The following TNIK variants were observed in gnomAD, a reference collection of about 807,000 sequenced individuals.
TNIK encodes TRAF2 and NCK-interacting protein kinase.
A neutral mutation model predicts 191.3 loss-of-function variants in TNIK; 49 were observed. The ratio of observed to expected loss-of-function variants is 0.26; its 90% confidence interval spans 0.20 to 0.32. The LOEUF (loss-of-function observed/expected upper bound fraction) is 0.32. TNIK is among the 10% of genes least tolerant of loss of function. TNIK has a pLI of 1.00. For synonymous variants in TNIK, 594 were observed against 600.9 expected (o/e 0.99, Z 0.17); for missense variants, 1,155 against 1,702.3 (o/e 0.68, Z 5.66).
At chr3:171,353,229 G>A (rs763181577) in intron 2 of TNIK, among the ~76,000 whole-genome samples, 6 of 152,162 alleles carry the variant, frequency 3.9e-5, no homozygotes, top group Non-Finnish European at 5.9e-5. Flanking sequence ...GCACTGAGCA[G>A]TCGACCCCAC....
chr3:171,320,282 T>C (rs1755034345), intron 2 of TNIK, among the ~76,000 whole-genome samples: 1 of 152,194 alleles, frequency 6.6e-6, no homozygotes, highest in Non-Finnish European at 1.5e-5. Flanking sequence ...GATATTCTAA[T>C]GTGTCTTGCC....
chr3:171,310,444 T>G (rs1401175386), intron 2 of TNIK, among the ~76,000 whole-genome samples: 4 of 152,144 alleles, frequency 2.6e-5, no homozygotes, highest in African/African-American at 7.2e-5. Context: ...AAAAGATGTT[T>G]GATAACCAAA....
At chr3:171,122,214 A>T (rs2108555400) in intron 18 of TNIK, among the ~76,000 whole-genome samples, 1 of 152,378 alleles carries the variant, frequency 6.6e-6, no homozygotes, top group Middle Eastern at 3.4e-3. Context: ...TACTTGATCT[A>T]AAGAAACTAA....
At chr3:171,450,941 C>T (rs534560317) in intron 1 of TNIK, among the ~76,000 whole-genome samples, 79 of 152,258 alleles carry the variant, frequency 5.2e-4, no homozygotes, top group African/African-American at 1.8e-3. Context: ...CAGATAGTCA[C>T]GACTGCCTTA....
chr3:171,450,677 A>G (rs1001096320), intron 1 of TNIK, among the ~76,000 whole-genome samples: 30 of 152,332 alleles, frequency 2.0e-4, no homozygotes, highest in Non-Finnish European at 3.2e-4. Flanking sequence ...TTATGGCTTT[A>G]TCCTATTTAT....
intron 18 of TNIK, among the ~76,000 whole-genome samples, chr3:171,113,792 C>T (rs544997520): frequency 3.9e-5 from 6 of 151,952 alleles, no homozygotes; most frequent in East Asian, 1.9e-4. Flanking sequence ...TGATAATGAA[C>T]GGGACACAGC....
chr3:171,183,023 C>A (rs369309479), intron 7 of TNIK, among the ~76,000 whole-genome samples: 1 of 152,274 alleles, frequency 6.6e-6, no homozygotes, highest in Non-Finnish European at 1.5e-5. Flanking sequence ...GGGTATTCAA[C>A]GAATGTGGGT....
intron 7 of TNIK, among the ~76,000 whole-genome samples, chr3:171,185,221 G>GTGTGTGTGTGTGTGTGTGTGTGTGT (rs1160317661): frequency 6.6e-6 from 1 of 150,376 alleles, no homozygotes; most frequent in Admixed American, 6.7e-5. Flanking sequence ...GTGTGTCTAT[G>GTGTGTGTGTGTGTGTGTGTGTGTGT]GGGTGGGAGG....
chr3:171,228,917 G>C (rs1056012979), intron 2 of TNIK, among the ~76,000 whole-genome samples: 1 of 152,196 alleles, frequency 6.6e-6, no homozygotes, highest in Non-Finnish European at 1.5e-5. Flanking sequence ...AAAACACAAT[G>C]TCTACATGTG....
At chr3:171,244,221 C>T (rs1233018873) in intron 2 of TNIK, among the ~76,000 whole-genome samples, 14 of 152,072 alleles carry the variant, frequency 9.2e-5, no homozygotes, top group Middle Eastern at 3.4e-3. Context: ...CCCGCCACCA[C>T]GCCCGGCTAA....
intron 8 of TNIK, 35 bp downstream of exon 8, chr3:171,177,291 C>G (rs371184351): frequency 3.8e-6 from 6 of 1,592,970 alleles, no homozygotes; most frequent in Non-Finnish European, 4.3e-6. Flanking sequence ...CAGAGCAGAC[C>G]AGCAACAGAT....
At chr3:171,360,101 C>T (rs755025222) in intron 2 of TNIK, among the ~76,000 whole-genome samples, 2 of 152,156 alleles carry the variant, frequency 1.3e-5, no homozygotes, top group South Asian at 2.1e-4. Context: ...ATTGAGCACA[C>T]GAGTGCCAAT....
In TNIK at chr3:171,062,419, C is replaced by T. The variant is rs1165153608; in HGVS notation, c.*1462G>A. 2 of 151,910 alleles carry T rather than the reference C, an allele frequency of 1.3e-5. No homozygotes were observed. Among genetic ancestry groups the T allele is most frequent in the Non-Finnish European group, 2.9e-5 (2 of 68,016 alleles). The allele number at this position is 151,910 out of a possible 1,614,324, so 9.4% of individuals were successfully genotyped here. ...AAACGAGGTAGGTTAAAACAGGAAG[C>T]GCAACACAGATATTGTTTGCAACAC... On this transcript the variant is annotated 3_prime_UTR_variant, in exon 33 of 33. Coordinates refer to ENST00000436636, the MANE Select transcript of TNIK (RefSeq NM_015028.4).
At chr3:171,439,025 T>C (rs927482006) in intron 1 of TNIK, among the ~76,000 whole-genome samples, 5 of 152,156 alleles carry the variant, frequency 3.3e-5, no homozygotes, top group Non-Finnish European at 7.4e-5. Context: ...GAAGCAGCAA[T>C]AGCACAATGC....
intron 5 of TNIK, among the ~76,000 whole-genome samples, chr3:171,193,801 A>G (rs10936673): frequency 0.23 from 35,579 of 152,150 alleles, 4,697 homozygotes; most frequent in East Asian, 0.49. Flanking sequence ...GACATATAAT[A>G]ACCTCCATAT....
intron 2 of TNIK, among the ~76,000 whole-genome samples, chr3:171,360,086 T>C (rs932323373): frequency 6.6e-6 from 1 of 152,200 alleles, no homozygotes; most frequent in Non-Finnish European, 1.5e-5. Context: ...ATACTTCAAA[T>C]CAAAATTGAG....
At chr3:171,154,591 G>T (rs1377141395) in intron 12 of TNIK, among the ~76,000 whole-genome samples, 1 of 152,190 alleles carries the variant, frequency 6.6e-6, no homozygotes, top group African/African-American at 2.4e-5. Flanking sequence ...ACTTGCTCAA[G>T]ATTACCAGAG....
chr3:171,105,466 GAGAGCCACTGGGTT>G (rs1382709250), intron 21 of TNIK, among the ~76,000 whole-genome samples: 1 of 152,172 alleles, frequency 6.6e-6, no homozygotes, highest in Admixed American at 6.5e-5. Flanking sequence ...AGCCGTGGTT[GAGAGCCACTGGGTT>G]AGGTAGAACC....
intron 23 of TNIK, among the ~76,000 whole-genome samples, chr3:171,088,315 A>G (rs760573176): frequency 8.6e-5 from 13 of 151,604 alleles, no homozygotes; most frequent in African/African-American, 3.2e-4. Context: ...GCTCACTGCA[A>G]CCTCTGCATC....
Sources: gnomAD v4.1 joint callset for allele counts (sites outside exome capture counted in the v4.1 genomes callset) on GRCh38, gnomAD v4.1.1 for gene constraint, MANE v1.5 for transcripts, NCBI Gene and HGNC (gene_info 2026-07-23, HGNC 2026-07-21) for gene names.